The following KANK1 variants were observed in gnomAD, a reference collection of about 807,000 sequenced individuals.
KANK1 encodes the protein KN motif and ankyrin repeat domains 1.
In KANK1, 109 loss-of-function variants were observed where a neutral mutation model predicts 106.2. That is an observed-to-expected ratio of 1.03 (90% confidence interval 0.88 to 1.20). The LOEUF is 1.20. Among genes scored for constraint, KANK1 ranks in the 50% most tolerant of loss-of-function variants. The pLI, the probability that KANK1 is intolerant of heterozygous loss-of-function variation, is 0.00. For missense variants in KANK1, 2,399 were observed against 1,710.7 expected (o/e 1.40, Z -7.10); for synonymous variants, 873 against 652.2 (o/e 1.34, Z -5.16).
At chr9:576,782 C>G (rs937885524) in intron 1 of KANK1, among the ~76,000 whole-genome samples, 1 of 151,788 alleles carries the variant, frequency 6.6e-6, no homozygotes, top group Non-Finnish European at 1.5e-5. Flanking sequence ...CAAACCATGA[C>G]ATTCCCTGTA....
At chr9:676,449 T>G (rs937362113) in intron 1 of KANK1, among the ~76,000 whole-genome samples, 5 of 152,208 alleles carry the variant, frequency 3.3e-5, no homozygotes, top group Admixed American at 3.3e-4. Context: ...TTCCATGAAG[T>G]TAATCTTTTT....
At chr9:582,696 C>T (rs1822474907) in intron 1 of KANK1, among the ~76,000 whole-genome samples, 1 of 152,200 alleles carries the variant, frequency 6.6e-6, no homozygotes, top group Non-Finnish European at 1.5e-5. Context: ...AAAGCTTGCA[C>T]ACAACTTTAA....
chr9:644,426 T>C (rs1839200704), intron 1 of KANK1, among the ~76,000 whole-genome samples: 1 of 150,946 alleles, frequency 6.6e-6, no homozygotes, highest in Non-Finnish European at 1.5e-5. Context: ...GGGGTTTAAT[T>C]GGCTCAGGGT....
chr9:728,066 T>C (rs949857317), intron 3 of KANK1, among the ~76,000 whole-genome samples: 4 of 152,190 alleles, frequency 2.6e-5, no homozygotes, highest in South Asian at 2.1e-4. Flanking sequence ...ACAGACTCTT[T>C]ATACCAATAA....
At chr9:669,055 G>A (rs1207921301) in intron 1 of KANK1, among the ~76,000 whole-genome samples, 1 of 152,044 alleles carries the variant, frequency 6.6e-6, no homozygotes, top group African/African-American at 2.4e-5. Context: ...ACAAAAAAAA[G>A]AATAAATAAA....
At chr9:525,350 C>CGTGTGTGTGT (rs35296364) in intron 1 of KANK1, among the ~76,000 whole-genome samples, 4,798 of 140,480 alleles carry the variant, frequency 0.034, 258 homozygotes, top group African/African-American at 0.09. Context: ...TGTATACATA[C>CGTGTGTGTGT]GTGTGTGTGT....
intron 1 of KANK1, among the ~76,000 whole-genome samples, chr9:628,924 CA>C (rs57051674): frequency 0.052 from 7,833 of 149,596 alleles, 610 homozygotes; most frequent in East Asian, 0.22. Context: ...ACTAAAAATA[CA>C]AAAAATTAGC....
intron 1 of KANK1, among the ~76,000 whole-genome samples, chr9:600,792 C>G (rs1041709718): frequency 1.5e-4 from 23 of 151,778 alleles, no homozygotes; most frequent in African/African-American, 5.6e-4. Flanking sequence ...CTGTGAATAC[C>G]CAGTGTTCGC....
chr9:650,671 T>C (rs1449524055), intron 1 of KANK1, among the ~76,000 whole-genome samples: 1 of 152,150 alleles, frequency 6.6e-6, no homozygotes, highest in Non-Finnish European at 1.5e-5. Context: ...GAGCTGTGTT[T>C]TAGCTAGAGG....
At chr9:622,299 G>A (rs917166470) in intron 1 of KANK1, among the ~76,000 whole-genome samples, 1 of 152,168 alleles carries the variant, frequency 6.6e-6, no homozygotes. Flanking sequence ...AGCGCTGTGT[G>A]TTGGGGCACT....
Position 647,397 on chromosome 9 carries a change from A to G in KANK1, c.-83-29493A>G, listed in dbSNP as rs887999349. On this transcript the variant is annotated intron_variant, in intron 1 of 11. Coordinates refer to ENST00000382297, the MANE Select transcript of KANK1 (RefSeq NM_015158.5). ...TTTATTATATTTATGACATATGAGA[A>G]ATAAATAATAGGAACTTTAAGAAGA... Among the ~76,000 whole-genome samples the G allele has an allele frequency of 1.3e-4, 20 of 151,096 alleles. 2 individuals carry two copies. The highest frequency in any genetic ancestry group is 4.5e-4 in the African/African-American group (18 of 40,410).
chr9:691,667 A>G (rs1819964993), intron 2 of KANK1, among the ~76,000 whole-genome samples: 1 of 138,616 alleles, frequency 7.2e-6, no homozygotes, highest in Non-Finnish European at 1.5e-5. Context: ...AGGCTGGAGT[A>G]CAGTAGCATG....
chr9:741,689 G>T (rs1011041129), intron 9 of KANK1, among the ~76,000 whole-genome samples: 1 of 151,838 alleles, frequency 6.6e-6, no homozygotes, highest in Non-Finnish European at 1.5e-5. Context: ...AGGTTTCACC[G>T]TGTTAGCCAG....
At chr9:538,665 A>G (rs754767396) in intron 1 of KANK1, among the ~76,000 whole-genome samples, 39 of 152,142 alleles carry the variant, frequency 2.6e-4, no homozygotes, top group Admixed American at 2.2e-3. Flanking sequence ...TTTGTTTGAG[A>G]GTCAGCTTAG....
At chr9:475,941 C>A (rs1416570439) in intron 3 of KANK1, among the ~76,000 whole-genome samples, 1 of 151,984 alleles carries the variant, frequency 6.6e-6, no homozygotes, top group Non-Finnish European at 1.5e-5. Context: ...CAACCTCTGC[C>A]TCCTGGGTTC....
intron 3 of KANK1, among the ~76,000 whole-genome samples, chr9:720,508 T>G (rs1293176726): frequency 1.3e-5 from 2 of 152,206 alleles, no homozygotes; most frequent in African/African-American, 4.8e-5. Flanking sequence ...CATGCCCAGC[T>G]GTTTTTTGTT....
intron 1 of KANK1, chr9:673,702 C>T (rs1588795038): frequency 6.6e-6 from 1 of 152,120 alleles, no homozygotes; most frequent in African/African-American, 2.4e-5. Context: ...TTAAGCTTGA[C>T]TAGGAAGATT....
chr9:539,005 C>T lies in KANK1; in HGVS notation c.-84+34251C>T, dbSNP rs149839354. Among the ~76,000 whole-genome samples, 757 of 152,222 alleles carry T rather than the reference C, an allele frequency of 5.0e-3. 24 individuals are homozygous for T. The highest frequency in any genetic ancestry group is 1.0e-3 in the Non-Finnish European group (71 of 68,010). ...AAGCAATTCTCCTGCCTCAGCCTCC[C>T]GAGTAGCTGGGATTACAGGCATGAG... On this transcript the variant is annotated intron_variant, in intron 1 of 11. Coordinates refer to ENST00000382297, the MANE Select transcript of KANK1 (RefSeq NM_015158.5).
intron 8 of KANK1, among the ~76,000 whole-genome samples, chr9:739,531 A>G (rs377103220): frequency 1.3e-5 from 2 of 152,224 alleles, no homozygotes; most frequent in East Asian, 3.8e-4. Flanking sequence ...TCTTACAGGA[A>G]GGAATTTCAA....
Sources: allele counts gnomAD v4.1 joint callset (sites outside exome capture counted in the v4.1 genomes callset), GRCh38; gene constraint gnomAD v4.1.1; transcripts MANE v1.5; gene names NCBI Gene and HGNC (gene_info 2026-07-23, HGNC 2026-07-21).